GPC6: variants seen among roughly 807,000 people sequenced by gnomAD.
The protein encoded by GPC6 is glypican 6.
GPC6 carries 14 observed loss-of-function variants against 55.2 expected under a neutral mutation model. The ratio of observed to expected loss-of-function variants is 0.25; its 90% confidence interval spans 0.17 to 0.40. The LOEUF is 0.40. Among genes scored for constraint, GPC6 ranks in the 10% least tolerant of loss-of-function variants. The probability of loss-of-function intolerance (pLI) is 1.00; values close to 1 mark genes in which losing one functional copy is unlikely to be tolerated. For missense variants in GPC6, 641 were observed against 708.5 expected, an observed-to-expected ratio of 0.90 and a Z score of 1.08; for synonymous variants, 278 against 259.6, an observed-to-expected ratio of 1.07 and a Z score of -0.68.
intron 2 of GPC6, among the ~76,000 whole-genome samples, chr13:93,635,517 A>G (rs982251678): frequency 1.1e-4 from 17 of 152,324 alleles, no homozygotes; most frequent in African/African-American, 4.1e-4. Flanking sequence ...AATTGCAAGC[A>G]AAGATTTGGA....
At chr13:93,860,284 T>C (rs967620984) in intron 3 of GPC6, among the ~76,000 whole-genome samples, 1 of 151,620 alleles carries the variant, frequency 6.6e-6, no homozygotes, top group East Asian at 2.0e-4. Context: ...ACCCTTAAAA[T>C]AGGGACCATG....
In GPC6 at chr13:93,237,585, T is replaced by C. The variant is rs141476558; in HGVS notation, c.160+9969T>C. On this transcript the variant is annotated intron_variant, in intron 1 of 8. Coordinates refer to ENST00000377047, the MANE Select transcript of GPC6 (RefSeq NM_005708.5). ...TGCTAGATTAATTAAGTCTAACTTA[T>C]GTATTTTTGTTTTTATTTCATTTGC... Among the ~76,000 whole-genome samples the C allele has an allele frequency of 2.7e-3, 415 of 152,304 alleles. 4 individuals carry two copies. Among genetic ancestry groups the C allele is most frequent in the Admixed American group, 4.6e-3 (71 of 15,306 alleles).
intron 4 of GPC6, among the ~76,000 whole-genome samples, chr13:94,256,197 G>A (rs1273897360): frequency 6.6e-6 from 1 of 152,152 alleles, no homozygotes; most frequent in African/African-American, 2.4e-5. Context: ...CAGTAGCCAA[G>A]AAGGAGCAAA....
intron 3 of GPC6, among the ~76,000 whole-genome samples, chr13:93,969,886 C>T (rs373597666): frequency 1.2e-4 from 19 of 152,188 alleles, no homozygotes; most frequent in Admixed American, 2.6e-4. Context: ...ATCCACGTTG[C>T]GCAAATGACA....
intron 4 of GPC6, among the ~76,000 whole-genome samples, chr13:94,240,012 G>A (rs1891006017): frequency 6.6e-6 from 1 of 152,142 alleles, no homozygotes; most frequent in Non-Finnish European, 1.5e-5. Flanking sequence ...TGAGAGTGAA[G>A]CTGAGAGCTT....
At chr13:94,225,049 C>A (rs558410084) in intron 4 of GPC6, among the ~76,000 whole-genome samples, 27 of 152,126 alleles carry the variant, frequency 1.8e-4, no homozygotes, top group South Asian at 1.0e-3. Context: ...GTTTTGGCAC[C>A]CAGGGAGTGT....
intron 1 of GPC6, among the ~76,000 whole-genome samples, chr13:93,384,051 T>C (rs1298225043): frequency 6.6e-6 from 1 of 152,182 alleles, no homozygotes. Flanking sequence ...GACATATCAG[T>C]TATTTTATGA....
chr13:94,178,599 C>T (rs975202906), intron 4 of GPC6, among the ~76,000 whole-genome samples: 3 of 152,136 alleles, frequency 2.0e-5, no homozygotes, highest in Non-Finnish European at 4.4e-5. Flanking sequence ...TTTCACATTT[C>T]CTTTAATAGG....
chr13:93,236,977 C>T (rs183488428), intron 1 of GPC6, among the ~76,000 whole-genome samples: 1 of 152,222 alleles, frequency 6.6e-6, no homozygotes, highest in Admixed American at 6.5e-5. Flanking sequence ...GTTTCATGGG[C>T]ACTTAGGTAG....
intron 3 of GPC6, among the ~76,000 whole-genome samples, chr13:93,831,226 A>G (rs1234483355): frequency 6.6e-6 from 1 of 152,184 alleles, no homozygotes; most frequent in African/African-American, 2.4e-5. Context: ...GCCTTTCTTG[A>G]AGATAACATC....
rs544862044 is a variant in GPC6 at position 93,501,219 on chromosome 13, C to T, written c.161-44044C>T. On this transcript the variant is annotated intron_variant, in intron 1 of 8. Transcript: ENST00000377047. Reference sequence around the variant, plus strand: ...TAGTGGGTTTTGAAGTCATAGAGGACATTTTCTAAAATGCTTAAATCTCAC... The same window carrying T: ...TAGTGGGTTTTGAAGTCATAGAGGATATTTTCTAAAATGCTTAAATCTCAC... 4.6e-5 allele frequency among the ~76,000 whole-genome samples: 7 copies of T among 152,118 alleles called. No homozygotes were observed. In the East Asian group the frequency reaches 1.2e-3, roughly 25 times the overall value.
chr13:93,414,524 A>G (rs1876625059), intron 1 of GPC6, among the ~76,000 whole-genome samples: 1 of 152,076 alleles, frequency 6.6e-6, no homozygotes, highest in Non-Finnish European at 1.5e-5. Flanking sequence ...ATATATCCAG[A>G]ATTTAGAACA....
chr13:94,347,229 G>A lies in GPC6; in HGVS notation c.1153-35185G>A, dbSNP rs903936950. On this transcript the variant is annotated intron_variant, in intron 6 of 8. Transcript: ENST00000377047. ...TTCCCATATCCAGGATGGTTCTTCT[G>A]AACCACCCAGATCATGTTCTTCTCA... Among the ~76,000 whole-genome samples the A allele has an allele frequency of 3.3e-5, 5 of 152,006 alleles. No homozygotes were observed. The South Asian group carries it at 1.0e-3, about 32-fold the overall frequency.
intron 4 of GPC6, among the ~76,000 whole-genome samples, chr13:94,076,636 A>T (rs779247886): frequency 6.1e-4 from 93 of 151,904 alleles, no homozygotes; most frequent in Non-Finnish European, 2.4e-4. Flanking sequence ...GTGTTTAATC[A>T]ATTTTGGGTG....
At chr13:94,295,675 CT>C (rs1875295069) in intron 5 of GPC6, among the ~76,000 whole-genome samples, 1 of 152,134 alleles carries the variant, frequency 6.6e-6, no homozygotes, top group Non-Finnish European at 1.5e-5. Flanking sequence ...TAGCAAAGAG[CT>C]TTAGAGGAAT....
intron 1 of GPC6, among the ~76,000 whole-genome samples, chr13:93,393,368 G>A (rs1875721491): frequency 6.6e-6 from 1 of 151,938 alleles, no homozygotes; most frequent in Non-Finnish European, 1.5e-5. Context: ...TAGAACTCCT[G>A]ATCTCGTGAT....
intron 4 of GPC6, among the ~76,000 whole-genome samples, chr13:94,109,580 C>T (rs922210472): frequency 6.6e-6 from 1 of 151,950 alleles, no homozygotes; most frequent in Admixed American, 6.6e-5. Flanking sequence ...AAGTAGTTGT[C>T]GAATTCAGTA....
rs577868389 is a variant in GPC6 at position 93,684,003 on chromosome 13, G to T, written c.319+138582G>T. On this transcript the variant is annotated intron_variant, in intron 2 of 8. Coordinates refer to ENST00000377047, the MANE Select transcript of GPC6 (RefSeq NM_005708.5). ...GCAAGCTCTCTCATGACCCTTTTAAGGGCACTAGTACCATTGATGAGGGCT... is the reference window on the plus strand; with the variant it reads ...GCAAGCTCTCTCATGACCCTTTTAATGGCACTAGTACCATTGATGAGGGCT... Among the ~76,000 whole-genome samples, 4 of 152,126 alleles carry T rather than the reference G, an allele frequency of 2.6e-5. No homozygotes were observed. The East Asian group carries it at 7.8e-4, about 30-fold the overall frequency.
At chr13:94,256,309 A>C (rs1891502809) in intron 4 of GPC6, among the ~76,000 whole-genome samples, 1 of 152,196 alleles carries the variant, frequency 6.6e-6, no homozygotes, top group South Asian at 2.1e-4. Flanking sequence ...AGTATGCACT[A>C]AATTCTGAAA....
Sources: allele counts gnomAD v4.1 joint callset (sites outside exome capture counted in the v4.1 genomes callset), GRCh38; gene constraint gnomAD v4.1.1; transcripts MANE v1.5; gene names NCBI Gene and HGNC (gene_info 2026-07-23, HGNC 2026-07-21).